Variants in PLPPR1 observed in about 807,000 individuals in gnomAD.
PLPPR1 encodes the protein phospholipid phosphatase related 1.
A neutral mutation model predicts 33.1 loss-of-function variants in PLPPR1; 10 were observed. The observed-to-expected ratio is 0.30, with a 90% CI of 0.19 to 0.51. The LOEUF is 0.51. Ranked by LOEUF, PLPPR1 falls within the 20% of genes least tolerant of loss-of-function variation. The pLI, the probability that PLPPR1 is intolerant of heterozygous loss-of-function variation, is 0.97. For synonymous variants in PLPPR1, 151 were observed against 151.0 expected (o/e 1.00, Z 0.00); for missense variants, 304 against 408.1 (o/e 0.74, Z 2.20).
intron 1 of PLPPR1, among the ~76,000 whole-genome samples, chr9:101,038,686 G>C (rs79488449): frequency 0.015 from 2,332 of 152,186 alleles, 21 homozygotes; most frequent in Middle Eastern, 0.044. Flanking sequence ...ATCAAGAAGA[G>C]GGAACAAGGG....
intron 1 of PLPPR1, among the ~76,000 whole-genome samples, chr9:101,078,888 T>A (rs1830582301): frequency 2.0e-5 from 3 of 152,184 alleles, no homozygotes; most frequent in Admixed American, 1.3e-4. Context: ...CAAGCTTGAT[T>A]CTGACCTCCT....
chr9:101,063,656 C>A (rs546514360), intron 1 of PLPPR1, among the ~76,000 whole-genome samples: 5 of 152,144 alleles, frequency 3.3e-5, no homozygotes, highest in African/African-American at 9.6e-5. Context: ...CATCTCAGGG[C>A]CTTTGTCTAT....
intron 3 of PLPPR1, among the ~76,000 whole-genome samples, chr9:101,280,266 TA>T (rs1483538515): frequency 6.6e-6 from 1 of 152,072 alleles, no homozygotes; most frequent in East Asian, 1.9e-4. Flanking sequence ...AATAGATCAA[TA>T]ACAAGTAATA....
At position 101,151,410 on chromosome 9, in the gene PLPPR1, T is replaced by C. The variant is rs980926086; in HGVS notation, c.-45-34040T>C. Among the ~76,000 whole-genome samples the C allele has an allele frequency of 9.2e-5, 14 of 152,242 alleles. 1 individual carries two copies. Among genetic ancestry groups the C allele is most frequent in the Non-Finnish European group, 2.9e-5 (2 of 68,038 alleles). On this transcript the variant is annotated intron_variant, in intron 1 of 7. Transcript: ENST00000374874. ...GCCTTTTTATTTATTTGGCTTCAAA[T>C]ATTTGTACTTATTATCAAAGGAAAA...
rs186730974 is a variant in PLPPR1, at chr9:101,172,909, T to A, written c.-45-12541T>A. On this transcript the variant is annotated intron_variant, in intron 1 of 7. Transcript: ENST00000374874. Reference sequence around the variant, plus strand: ...TTGCACTTTATTGCCTCATGTCCAATGTCTTGAATACCATTGTCTCATTTA... The same window carrying A: ...TTGCACTTTATTGCCTCATGTCCAAAGTCTTGAATACCATTGTCTCATTTA... Among the ~76,000 whole-genome samples, 32 of 152,252 alleles carry A rather than the reference T, an allele frequency of 2.1e-4. No individual in the cohort carries two copies. The East Asian group carries it at 6.0e-3, about 29-fold the overall frequency.
chr9:101,156,013 T>G (rs189804673), intron 1 of PLPPR1, among the ~76,000 whole-genome samples: 1 of 152,336 alleles, frequency 6.6e-6, no homozygotes, highest in African/African-American at 2.4e-5. Context: ...CTAGTATTTA[T>G]CCAACACTTC....
At chr9:101,044,869 G>T (rs995365493) in intron 1 of PLPPR1, among the ~76,000 whole-genome samples, 1 of 152,090 alleles carries the variant, frequency 6.6e-6, no homozygotes, top group Non-Finnish European at 1.5e-5. Context: ...TACCTAATTT[G>T]CCCAAAATTA....
At chr9:101,223,198 C>T (rs1028010897) in intron 2 of PLPPR1, among the ~76,000 whole-genome samples, 9 of 148,912 alleles carry the variant, frequency 6.0e-5, no homozygotes, top group African/African-American at 2.2e-4. Context: ...TAGCTGGGCA[C>T]CATGGGATGA....
At chr9:101,208,675 TCCA>T in intron 2 of PLPPR1, among the ~76,000 whole-genome samples, 1 of 152,200 alleles carries the variant, frequency 6.6e-6, no homozygotes, top group East Asian at 1.9e-4. Flanking sequence ...TAAAGGTAAT[TCCA>T]CTAAGTTTTC....
At chr9:101,109,605 T>C (rs1198147244) in intron 1 of PLPPR1, among the ~76,000 whole-genome samples, 4 of 152,202 alleles carry the variant, frequency 2.6e-5, no homozygotes, top group African/African-American at 7.2e-5. Context: ...AAATTTCTTC[T>C]AGTATGTTTT....
At chr9:101,125,523 C>A in intron 1 of PLPPR1, 2 of 397,692 alleles carry the variant, frequency 5.0e-6, no homozygotes, top group Non-Finnish European at 9.4e-6. Context: ...GACCCTGGAC[C>A]CAGCACCAGA....
At chr9:101,050,423 A>G (rs1250126077) in intron 1 of PLPPR1, among the ~76,000 whole-genome samples, 2 of 152,224 alleles carry the variant, frequency 1.3e-5, no homozygotes, top group South Asian at 2.1e-4. Flanking sequence ...GATGAAAACT[A>G]TATGTATATT....
intron 1 of PLPPR1, among the ~76,000 whole-genome samples, chr9:101,083,065 A>T (rs1564139869): frequency 6.6e-6 from 1 of 152,148 alleles, no homozygotes; most frequent in Non-Finnish European, 1.5e-5. Context: ...TTTAGAATCT[A>T]GTTTAAGGAC....
At chr9:101,288,213 C>G (rs556524316) in intron 4 of PLPPR1, among the ~76,000 whole-genome samples, 1 of 152,256 alleles carries the variant, frequency 6.6e-6, no homozygotes, top group Non-Finnish European at 1.5e-5. Context: ...TCTAGATTGT[C>G]TGTTGTGGTA....
intron 4 of PLPPR1, among the ~76,000 whole-genome samples, chr9:101,289,544 G>C (rs777520774): frequency 7.9e-5 from 12 of 152,238 alleles, no homozygotes; most frequent in Non-Finnish European, 1.5e-4. Flanking sequence ...TGTTGTGAGA[G>C]GGACCTGGTA....
At chr9:101,318,740 C>A (rs1168942397) in intron 7 of PLPPR1, among the ~76,000 whole-genome samples, 1 of 151,810 alleles carries the variant, frequency 6.6e-6, no homozygotes, top group Non-Finnish European at 1.5e-5. Context: ...CGCCACTGCA[C>A]TCTAGGCTGG....
In PLPPR1 at chr9:101,309,281, A is replaced by G. The variant is rs748445045; in HGVS notation, c.456A>G (p.Leu152=). The change falls in exon 5 of 8, where the codon TTA becomes TTG. Residue 152 remains leucine (L), a synonymous_variant. Transcript: ENST00000374874. ...VNAGQVVTGH[L]TPYFLTVCKP... is the part of the protein sequence containing the mutation. ...CCGGACAAGTGGTCACTGGGCACTT[A>G]ACGCCATACTTCCTGACTGTGTGCA... 6.2e-7 allele frequency: 1 copy of G among 1,614,184 alleles called. No homozygotes were observed. The highest frequency in any genetic ancestry group is 1.7e-5 in the Admixed American group (1 of 60,022).
rs117044920 is a variant in PLPPR1 at position 101,044,347 on chromosome 9, C to G, written c.-46+15245C>G. On this transcript the variant is annotated intron_variant, in intron 1 of 7. Coordinates refer to ENST00000374874, the MANE Select transcript of PLPPR1 (RefSeq NM_207299.2). ...AGACAACTTTGCAGTTCATACACGACTCCCTGAAAGAGAACACAGAAAACA... is the reference window on the plus strand; with the variant it reads ...AGACAACTTTGCAGTTCATACACGAGTCCCTGAAAGAGAACACAGAAAACA... Among the ~76,000 whole-genome samples the G allele has an allele frequency of 5.1e-3, 775 of 152,296 alleles. 1 individual carries two copies. The highest frequency in any genetic ancestry group is 0.01 in the Middle Eastern group (3 of 294).
intron 1 of PLPPR1, among the ~76,000 whole-genome samples, chr9:101,050,000 C>T (rs1830199152): frequency 6.6e-6 from 1 of 151,540 alleles, no homozygotes; most frequent in Non-Finnish European, 1.5e-5. Flanking sequence ...TGGCGTGCGC[C>T]TGTAGTCCCA....
Sources: gnomAD v4.1 joint callset for allele counts (sites outside exome capture counted in the v4.1 genomes callset) on GRCh38, gnomAD v4.1.1 for gene constraint, MANE v1.5 for transcripts, NCBI Gene and HGNC (gene_info 2026-07-23, HGNC 2026-07-21) for gene names.